Variants in GRAMD2B observed in about 807,000 individuals in gnomAD.
The protein encoded by GRAMD2B is GRAM domain containing 2B.
A neutral mutation model predicts 59.2 loss-of-function variants in GRAMD2B; 41 were observed. The ratio of observed to expected loss-of-function variants is 0.69; its 90% confidence interval spans 0.54 to 0.90. The LOEUF (loss-of-function observed/expected upper bound fraction) is 0.90, where lower values mean the gene tolerates loss of function less well. GRAMD2B is among the 40% of genes least tolerant of loss of function. The probability of loss-of-function intolerance (pLI) is 0.00; values close to 1 mark genes in which losing one functional copy is unlikely to be tolerated. For missense variants in GRAMD2B, 424 were observed against 500.5 expected (o/e 0.85, Z 1.46); for synonymous variants, 161 against 182.7 (o/e 0.88, Z 0.96).
intron 1 of GRAMD2B, among the ~76,000 whole-genome samples, chr5:126,397,144 T>G (rs1757425753): frequency 6.6e-6 from 1 of 152,216 alleles, no homozygotes. Context: ...TTCATTCTGT[T>G]GATAGTTTCT....
At chr5:126,373,870 G>A (rs1471477612) in intron 1 of GRAMD2B, among the ~76,000 whole-genome samples, 1 of 152,156 alleles carries the variant, frequency 6.6e-6, no homozygotes, top group East Asian at 1.9e-4. Context: ...GCGAAGAGTG[G>A]CACCCATGAA....
At chr5:126,458,588 T>A (rs867391410) in intron 1 of GRAMD2B, among the ~76,000 whole-genome samples, 4 of 152,306 alleles carry the variant, frequency 2.6e-5, no homozygotes, top group Middle Eastern at 6.8e-3. Flanking sequence ...GGATTTACTC[T>A]GGGGCTCCAT....
upstream of GRAMD2B, among the ~76,000 whole-genome samples, chr5:126,366,924 G>C (rs1281936334): frequency 1.3e-5 from 2 of 148,378 alleles, no homozygotes; most frequent in African/African-American, 2.5e-5. Context: ...GCGCGATCTC[G>C]GCTCACAAAA....
chr5:126,381,817 T>C (rs748446240), intron 1 of GRAMD2B, among the ~76,000 whole-genome samples: 7 of 152,212 alleles, frequency 4.6e-5, no homozygotes, highest in Non-Finnish European at 7.3e-5. Flanking sequence ...AATGAGGTTC[T>C]ATTTTGGCAT....
chr5:126,458,548 G>A (rs992529087), intron 1 of GRAMD2B, among the ~76,000 whole-genome samples: 4 of 152,104 alleles, frequency 2.6e-5, no homozygotes, highest in East Asian at 3.8e-4. Context: ...CACTTTTCCT[G>A]GGACTACCAT....
At chr5:126,480,939 C>A in intron 8 of GRAMD2B, 1 of 561,388 alleles carries the variant, frequency 1.8e-6, no homozygotes, top group Non-Finnish European at 3.2e-6. Flanking sequence ...ACCTAGTAGA[C>A]TATCTTGGTG....
chr5:126,400,649 G>A (rs59230460), intron 1 of GRAMD2B, among the ~76,000 whole-genome samples: 1,863 of 152,238 alleles, frequency 0.012, 33 homozygotes, highest in African/African-American at 0.042. Context: ...GTCTAATGGT[G>A]ATGAATTCCC....
In GRAMD2B at chr5:126,463,854, A is replaced by T. The variant is rs1222456002; in HGVS notation, c.84-1572A>T. Among the ~76,000 whole-genome samples the T allele has an allele frequency of 2.6e-5, 4 of 152,230 alleles. No individual in the cohort carries two copies. In the East Asian group the frequency reaches 7.7e-4, roughly 29 times the overall value. ...GCCAACATGGCAAAACCCCGTCTCT[A>T]CTAAAAATACAAAAATTAGCCAGGC... is the stretch of plus-strand genomic sequence containing the variant. On this transcript the variant is annotated intron_variant, in intron 1 of 13. Transcript: ENST00000285689.
At chr5:126,369,136 C>T (rs1027666807), upstream of GRAMD2B, among the ~76,000 whole-genome samples, 26 of 152,230 alleles carry the variant, frequency 1.7e-4, no homozygotes, top group African/African-American at 6.0e-4. Flanking sequence ...ATGAGCACTA[C>T]TCCTTTCCCT....
chr5:126,367,398 T>C (rs1280262010), upstream of GRAMD2B, among the ~76,000 whole-genome samples: 1 of 149,732 alleles, frequency 6.7e-6, no homozygotes, highest in Non-Finnish European at 1.5e-5. Context: ...TTTGATCTTA[T>C]GTCTCAATAT....
At chr5:126,366,913 G>A (rs1031391150), upstream of GRAMD2B, among the ~76,000 whole-genome samples, 3 of 148,586 alleles carry the variant, frequency 2.0e-5, no homozygotes, top group Non-Finnish European at 4.4e-5. Flanking sequence ...GGAGTGCAGT[G>A]GCGCGATCTC....
At position 126,411,841 on chromosome 5, in the gene GRAMD2B, G is replaced by GGT. The variant is rs147604532; in HGVS notation, c.125+40293_125+40294dup. On this transcript the variant is annotated intron_variant, in intron 1 of 8. Coordinates refer to the GRAMD2B transcript ENST00000506445. Reference sequence around the variant, plus strand: ...CACCACATTGGTTAGATATATTTCTGGTGTGTGTGTGTGTGTGTGTTTGTG... The same window carrying GGT: ...CACCACATTGGTTAGATATATTTCTGGTGTGTGTGTGTGTGTGTGTGTTTGTG... Among the ~76,000 whole-genome samples, 667 of 148,870 alleles carry GGT rather than the reference G, an allele frequency of 4.5e-3. 8 individuals are homozygous for GGT. The highest frequency in any genetic ancestry group is 0.015 in the African/African-American group (612 of 40,332).
chr5:126,362,241 T>C (rs1754253680), intron 1 of GRAMD2B, among the ~76,000 whole-genome samples: 1 of 152,218 alleles, frequency 6.6e-6, no homozygotes, highest in African/African-American at 2.4e-5. Flanking sequence ...CAGTCACCTC[T>C]TCTGAATTTG....
intron 2 of GRAMD2B, among the ~76,000 whole-genome samples, chr5:126,467,174 C>T (rs1028486483): frequency 2.0e-5 from 3 of 151,990 alleles, no homozygotes; most frequent in African/African-American, 7.2e-5. Context: ...ACTCAGGAGG[C>T]TGAGGCAGAA....
chr5:126,453,681 T>TCAAGTTTC (rs1765769016), intron 1 of GRAMD2B, among the ~76,000 whole-genome samples: 1 of 152,246 alleles, frequency 6.6e-6, no homozygotes, highest in African/African-American at 2.4e-5. Flanking sequence ...AACAGTCTTT[T>TCAAGTTTC]CAAGTTTCCA....
intron 1 of GRAMD2B, 187 bp from the exon 2 acceptor site, chr5:126,465,239 G>A: frequency 7.0e-7 from 1 of 1,436,050 alleles, no homozygotes; most frequent in Non-Finnish European, 9.1e-7. Context: ...TGCAGCTACT[G>A]CCGTTGGGAC....
chr5:126,458,706 A>T (rs1010533084), intron 1 of GRAMD2B: 1 of 152,182 alleles, frequency 6.6e-6, no homozygotes, highest in African/African-American at 2.4e-5. Context: ...GACCCCTCTG[A>T]TGCTTTTCCC....
intron 8 of GRAMD2B, among the ~76,000 whole-genome samples, chr5:126,482,250 T>C (rs1471519091): frequency 6.6e-6 from 1 of 152,216 alleles, no homozygotes; most frequent in African/African-American, 2.4e-5. Context: ...AACAAGATTG[T>C]AGCCATGGCT....
chr5:126,360,435 A>G lies in GRAMD2B; in HGVS notation c.104A>G (p.Lys35Arg), dbSNP rs78682130. 3.5e-3 allele frequency: 5,491 copies of G among 1,551,254 alleles called. 138 individuals carry two copies. The African/African-American group carries it at 0.066, about 19-fold the overall frequency. Residue 35 changes from lysine (K) to arginine (R), a missense_variant, in exon 1 of 14, where the codon AAG (lysine) becomes AGG (arginine). Lys to Arg is a conservative substitution (Grantham distance 26). Transcript: ENST00000513040. ...AGTATGTTCCACGGGAGAGAAGTGAAGCCAGTGGGTCCGGACCTGGAACTG... is the reference window on the plus strand; with the variant it reads ...AGTATGTTCCACGGGAGAGAAGTGAGGCCAGTGGGTCCGGACCTGGAACTG...
Sources: gnomAD v4.1 joint callset for allele counts (sites outside exome capture counted in the v4.1 genomes callset) on GRCh38, gnomAD v4.1.1 for gene constraint, MANE v1.5 for transcripts, NCBI Gene and HGNC (gene_info 2026-07-23, HGNC 2026-07-21) for gene names.